GNA14: variants seen among roughly 807,000 people sequenced by gnomAD.
GNA14 encodes guanine nucleotide-binding protein subunit alpha-14.
GNA14 carries 50 observed loss-of-function variants against 42.0 expected under a neutral mutation model. The ratio of observed to expected loss-of-function variants is 1.19; its 90% CI spans 0.95 to 1.51. GNA14 has a LOEUF of 1.51. Ranked by LOEUF, GNA14 falls within the 40% of genes most tolerant of loss-of-function variation. GNA14 has a pLI of 0.00. For missense variants in GNA14, 473 were observed against 446.2 expected (o/e 1.06, Z -0.54); for synonymous variants, 173 against 163.1 (o/e 1.06, Z -0.46).
intron 1 of GNA14, among the ~76,000 whole-genome samples, chr9:77,596,422 C>T (rs1010782477): frequency 1.3e-5 from 2 of 151,986 alleles, no homozygotes; most frequent in Non-Finnish European, 1.5e-5. Flanking sequence ...GGATTAGAAA[C>T]AGGTCTGAGA....
intron 2 of GNA14, among the ~76,000 whole-genome samples, chr9:77,527,075 A>G (rs74317427): frequency 0.023 from 3,561 of 152,272 alleles, 157 homozygotes; most frequent in African/African-American, 0.081. Flanking sequence ...TTACAAACCC[A>G]TCCTTGAATT....
chr9:77,587,893 C>A (rs1237821596), intron 1 of GNA14, among the ~76,000 whole-genome samples: 2 of 152,150 alleles, frequency 1.3e-5, no homozygotes, highest in Admixed American at 1.3e-4. Flanking sequence ...GGTTGGAGGG[C>A]TCTGTTCCTT....
At chr9:77,512,684 T>C (rs1417482132) in intron 2 of GNA14, among the ~76,000 whole-genome samples, 1 of 152,172 alleles carries the variant, frequency 6.6e-6, no homozygotes, top group Non-Finnish European at 1.5e-5. Flanking sequence ...ACCTCACTTC[T>C]CTCATGCCTG....
At chr9:77,519,908 A>G (rs564819981) in intron 2 of GNA14, among the ~76,000 whole-genome samples, 1 of 151,962 alleles carries the variant, frequency 6.6e-6, no homozygotes, top group African/African-American at 2.4e-5. Flanking sequence ...TACTCGGGGG[A>G]CTGAGGCAGG....
chr9:77,547,957 A>G (rs1837740380), intron 1 of GNA14, among the ~76,000 whole-genome samples: 1 of 152,188 alleles, frequency 6.6e-6, no homozygotes, highest in South Asian at 2.1e-4. Context: ...AGCAAATGCA[A>G]TGGTTTGGAA....
At chr9:77,515,667 T>C (rs1245752173) in intron 2 of GNA14, among the ~76,000 whole-genome samples, 4 of 152,004 alleles carry the variant, frequency 2.6e-5, no homozygotes, top group Non-Finnish European at 5.9e-5. Context: ...CTTGAGGAAT[T>C]CAAGAGTGAG....
chr9:77,591,268 A>C (rs2117887949), intron 1 of GNA14, among the ~76,000 whole-genome samples: 1 of 152,292 alleles, frequency 6.6e-6, no homozygotes. Context: ...AGCCTACATC[A>C]AATTGCTTCT....
chr9:77,458,154 C>T (rs977206008), intron 2 of GNA14, among the ~76,000 whole-genome samples: 2 of 152,184 alleles, frequency 1.3e-5, no homozygotes, highest in Non-Finnish European at 2.9e-5. Context: ...CCCAGCCTTG[C>T]GCTTCTCAGA....
Position 77,593,965 on chromosome 9 carries a change from A to G in GNA14, c.124+53705T>C, listed in dbSNP as rs184599979. ...CCTTATATTGTACAATGAATGGTTCACCATTTAGAAAGTGCTTTGTAGAAC... is the reference window on the plus strand; with the variant it reads ...CCTTATATTGTACAATGAATGGTTCGCCATTTAGAAAGTGCTTTGTAGAAC... On this transcript the variant is annotated intron_variant, in intron 1 of 6. Coordinates refer to ENST00000341700, the MANE Select transcript of GNA14 (RefSeq NM_004297.4). 6.6e-5 allele frequency among the ~76,000 whole-genome samples: 10 copies of G among 152,312 alleles called. No homozygotes were observed. In the East Asian group the frequency reaches 1.9e-3, roughly 29 times the overall value.
chr9:77,496,676 G>A (rs146280156), intron 2 of GNA14, among the ~76,000 whole-genome samples: 118 of 152,300 alleles, frequency 7.7e-4, no homozygotes, highest in Non-Finnish European at 1.6e-3. Flanking sequence ...AGCCAAGAGG[G>A]AGAATCAGAG....
chr9:77,556,139 G>A (rs868841616), intron 1 of GNA14, among the ~76,000 whole-genome samples: 2 of 152,158 alleles, frequency 1.3e-5, no homozygotes, highest in Non-Finnish European at 2.9e-5. Flanking sequence ...AGCTACTCAG[G>A]AGGCTGAGAT....
chr9:77,440,444 C>G (rs556009871), intron 2 of GNA14, among the ~76,000 whole-genome samples: 3 of 152,338 alleles, frequency 2.0e-5, no homozygotes, highest in African/African-American at 7.2e-5. Context: ...GCTCCGAGCT[C>G]TCTGTTCAAG....
intron 2 of GNA14, among the ~76,000 whole-genome samples, chr9:77,478,460 C>T (rs1366080311): frequency 6.6e-6 from 1 of 152,148 alleles, no homozygotes; most frequent in East Asian, 1.9e-4. Flanking sequence ...CAAGTCTTTG[C>T]TATTGTGAAT....
intron 2 of GNA14, among the ~76,000 whole-genome samples, chr9:77,500,391 A>G (rs1836946645): frequency 6.6e-6 from 1 of 152,206 alleles, no homozygotes; most frequent in Non-Finnish European, 1.5e-5. Flanking sequence ...TAACTCTTTG[A>G]TATAATTGAA....
chr9:77,547,018 G>A (rs1280042614), intron 1 of GNA14, among the ~76,000 whole-genome samples: 2 of 152,162 alleles, frequency 1.3e-5, no homozygotes, highest in East Asian at 3.8e-4. Context: ...GTCTTATTGG[G>A]TGTGGGGGAG....
intron 1 of GNA14, among the ~76,000 whole-genome samples, chr9:77,581,805 A>G (rs972460169): frequency 1.3e-5 from 2 of 152,136 alleles, no homozygotes; most frequent in African/African-American, 4.8e-5. Context: ...ATCATCTCTC[A>G]TCATCCAACT....
intron 3 of GNA14, among the ~76,000 whole-genome samples, chr9:77,432,073 A>ATTT (rs139180649): frequency 6.8e-6 from 1 of 147,986 alleles, no homozygotes; most frequent in African/African-American, 2.5e-5. Flanking sequence ...CTTAAAACAT[A>ATTT]TTTTTTTTTT....
At chr9:77,450,527 A>C (rs961103090) in intron 2 of GNA14, among the ~76,000 whole-genome samples, 8 of 152,046 alleles carry the variant, frequency 5.3e-5, no homozygotes, top group Admixed American at 4.6e-4. Flanking sequence ...AATCAAACTG[A>C]CGGCACTTTC....
intron 1 of GNA14, chr9:77,580,532 T>C (rs1714413128): frequency 4.3e-6 from 2 of 464,022 alleles, no homozygotes; most frequent in Non-Finnish European, 8.4e-6. Flanking sequence ...GAAGACCCCA[T>C]CATCGGGTTC....
Sources: gnomAD v4.1 joint callset for allele counts (sites outside exome capture counted in the v4.1 genomes callset) on GRCh38, gnomAD v4.1.1 for gene constraint, MANE v1.5 for transcripts, NCBI Gene and HGNC (gene_info 2026-07-23, HGNC 2026-07-21) for gene names.